ESRRG: variants seen among roughly 807,000 people sequenced by gnomAD.
ESRRG encodes estrogen related receptor gamma, also known as estrogen-related receptor gamma.
ESRRG carries 13 observed loss-of-function variants against 44.0 expected under a neutral mutation model. That is an observed-to-expected ratio of 0.30 (90% CI 0.19 to 0.47). ESRRG has a LOEUF of 0.47. Ranked by LOEUF, ESRRG falls within the 20% of genes least tolerant of loss-of-function variation. The pLI is 1.00. For missense variants in ESRRG, 395 were observed against 580.6 expected (o/e 0.68, Z 3.29); for synonymous variants, 215 against 214.6 (o/e 1.00, Z -0.02).
At chr1:216,883,762 G>A (rs1450653161) in intron 2 of ESRRG, among the ~76,000 whole-genome samples, 1 of 152,170 alleles carries the variant, frequency 6.6e-6, no homozygotes, top group East Asian at 1.9e-4. Flanking sequence ...TGTAAGAGCA[G>A]TCAGTTCCAG....
intron 2 of ESRRG, among the ~76,000 whole-genome samples, chr1:216,747,554 G>A (rs1274790939): frequency 6.6e-6 from 1 of 152,146 alleles, no homozygotes. Context: ...GGAAGGTAGA[G>A]CAACTGGGTA....
chr1:216,602,046 A>G (rs2059329103), intron 3 of ESRRG, among the ~76,000 whole-genome samples: 1 of 152,218 alleles, frequency 6.6e-6, no homozygotes, highest in South Asian at 2.1e-4. Flanking sequence ...TTGGATAAAA[A>G]TGTATGGAAT....
At chr1:216,718,086 T>A (rs1213808212) in intron 1 of ESRRG, among the ~76,000 whole-genome samples, 1 of 151,870 alleles carries the variant, frequency 6.6e-6, no homozygotes. Context: ...ACAAATTGAC[T>A]TACTAGGTTA....
intron 5 of ESRRG, among the ~76,000 whole-genome samples, chr1:216,520,805 A>G (rs909353871): frequency 1.3e-5 from 2 of 152,186 alleles, no homozygotes; most frequent in East Asian, 3.9e-4. Context: ...TCTAGACATT[A>G]TTATCCAAAT....
chr1:216,707,275 C>T, intron 1 of ESRRG: 3 of 1,441,116 alleles, frequency 2.1e-6, no homozygotes, highest in South Asian at 1.3e-5. Flanking sequence ...AAAATCAAAC[C>T]ATATACAAGT....
At chr1:216,566,988 C>G (rs2059789692) in intron 4 of ESRRG, among the ~76,000 whole-genome samples, 1 of 152,198 alleles carries the variant, frequency 6.6e-6, no homozygotes, top group African/African-American at 2.4e-5. Flanking sequence ...ATGTATGATG[C>G]ACAGCAGTGA....
intron 5 of ESRRG, among the ~76,000 whole-genome samples, chr1:216,554,440 G>A (rs1385430058): frequency 1.5e-5 from 2 of 136,116 alleles, no homozygotes; most frequent in South Asian, 2.3e-4. Flanking sequence ...GGCGACAAGA[G>A]TGACTCTGTC....
intron 2 of ESRRG, among the ~76,000 whole-genome samples, chr1:216,822,066 T>G (rs2095309562): frequency 6.6e-6 from 1 of 152,140 alleles, no homozygotes; most frequent in South Asian, 2.1e-4. Context: ...ACATGATAAA[T>G]CACAGTATCT....
intron 1 of ESRRG, among the ~76,000 whole-genome samples, chr1:216,717,370 T>C (rs918238696): frequency 5.3e-5 from 8 of 151,844 alleles, no homozygotes; most frequent in Admixed American, 3.9e-4. Flanking sequence ...TTAGGTTTCC[T>C]AGACCTTACA....
At chr1:216,606,615 T>C (rs1402356097) in intron 3 of ESRRG, among the ~76,000 whole-genome samples, 1 of 152,092 alleles carries the variant, frequency 6.6e-6, no homozygotes, top group Non-Finnish European at 1.5e-5. Flanking sequence ...AATTATCAGA[T>C]AGTCAGCAAG....
At chr1:216,723,519 C>A (rs2086831951), upstream of ESRRG, 1 of 524,820 alleles carries the variant, frequency 1.9e-6, no homozygotes, top group Non-Finnish European at 3.4e-6. Context: ...CCGGCCCAGC[C>A]GCGCAGCCGA....
intron 1 of ESRRG, among the ~76,000 whole-genome samples, chr1:216,988,401 A>G (rs1185967071): frequency 6.6e-6 from 1 of 152,130 alleles, no homozygotes; most frequent in Non-Finnish European, 1.5e-5. Flanking sequence ...TGTTTTCCTT[A>G]TTGTAATTTT....
At chr1:216,609,626 C>A (rs1041678975) in intron 3 of ESRRG, among the ~76,000 whole-genome samples, 1 of 152,168 alleles carries the variant, frequency 6.6e-6, no homozygotes, top group Non-Finnish European at 1.5e-5. Flanking sequence ...AAGTCAGATT[C>A]AATAAAATGG....
chr1:216,823,770 G>A (rs1221180047), intron 2 of ESRRG, among the ~76,000 whole-genome samples: 1 of 152,082 alleles, frequency 6.6e-6, no homozygotes. Flanking sequence ...AAGATGCAAG[G>A]CATTAGACTA....
chr1:216,771,813 GGT>G (rs1201114698), intron 2 of ESRRG, among the ~76,000 whole-genome samples: 3 of 116,726 alleles, frequency 2.6e-5, no homozygotes, highest in African/African-American at 1.1e-4. Flanking sequence ...TTAAGTTTGT[GGT>G]GTTTTTTTTT....
intron 5 of ESRRG, among the ~76,000 whole-genome samples, chr1:216,541,457 T>C (rs1001760089): frequency 1.3e-5 from 2 of 152,014 alleles, no homozygotes; most frequent in African/African-American, 4.8e-5. Context: ...ATTTCCTGTA[T>C]GTTGTTACAC....
chr1:216,548,250 G>A (rs1158012781), intron 5 of ESRRG, among the ~76,000 whole-genome samples: 1 of 151,952 alleles, frequency 6.6e-6, no homozygotes, highest in East Asian at 1.9e-4. Flanking sequence ...GAATCAAACG[G>A]GTACACATGT....
intron 1 of ESRRG, among the ~76,000 whole-genome samples, chr1:216,721,648 C>CA (rs764452620): frequency 1.3e-5 from 2 of 152,146 alleles, no homozygotes; most frequent in Non-Finnish European, 2.9e-5. Context: ...GAAACTACTT[C>CA]AAAAAGAAGC....
intron 1 of ESRRG, among the ~76,000 whole-genome samples, chr1:217,122,891 G>T (rs1210878403): frequency 2.0e-5 from 3 of 151,260 alleles, no homozygotes; most frequent in African/African-American, 7.3e-5. Context: ...CTCCATGTTG[G>T]TCAGGCTGGT....
Sources: gnomAD v4.1 joint callset for allele counts (sites outside exome capture counted in the v4.1 genomes callset) on GRCh38, gnomAD v4.1.1 for gene constraint, MANE v1.5 for transcripts, NCBI Gene and HGNC (gene_info 2026-07-23, HGNC 2026-07-21) for gene names.